Variants in MTUS1 observed in about 807,000 individuals in gnomAD.
MTUS1 encodes microtubule associated scaffold protein 1.
Under a neutral mutation model 120.8 loss-of-function variants are expected in MTUS1, and 109 were observed. That is an observed-to-expected ratio of 0.90 (90% CI 0.77 to 1.06). The LOEUF (loss-of-function observed/expected upper bound fraction) is 1.06, where lower values mean the gene tolerates loss of function less well. MTUS1 is among the 50% of genes least tolerant of loss of function. The pLI is 0.00. For synonymous variants in MTUS1, 737 were observed against 550.5 expected (o/e 1.34, Z -4.74); for missense variants, 2,210 against 1,486.3 (o/e 1.49, Z -8.01).
intron 6 of MTUS1, among the ~76,000 whole-genome samples, chr8:17,703,553 T>A (rs1430480616): frequency 6.9e-6 from 1 of 145,776 alleles, no homozygotes; most frequent in Non-Finnish European, 1.5e-5. Flanking sequence ...GGCGTGAACC[T>A]GGGAGGCAGA....
At chr8:17,769,803 C>T (rs1004646475) in intron 1 of MTUS1, among the ~76,000 whole-genome samples, 13 of 151,354 alleles carry the variant, frequency 8.6e-5, no homozygotes, top group African/African-American at 2.9e-4. Flanking sequence ...AATTAAAATG[C>T]TCAGATCATT....
intron 4 of MTUS1, among the ~76,000 whole-genome samples, chr8:17,720,892 A>C (rs534535960): frequency 6.6e-6 from 1 of 152,284 alleles, no homozygotes; most frequent in Admixed American, 6.5e-5. Context: ...GTAACTTTGA[A>C]ATTTTCTACA....
intron 2 of MTUS1, among the ~76,000 whole-genome samples, chr8:17,749,338 T>C (rs1324271552): frequency 6.6e-6 from 1 of 152,106 alleles, no homozygotes; most frequent in Non-Finnish European, 1.5e-5. Context: ...ATTCCAGGTC[T>C]TTAACTCTTT....
In MTUS1 at chr8:17,684,395, T is replaced by C. The variant is rs368209779; in HGVS notation, c.2771A>G (p.Gln924Arg). The C allele has an allele frequency of 4.3e-6, 7 of 1,614,220 alleles. No homozygotes were observed. The East Asian group carries it at 1.6e-4, about 36-fold the overall frequency. The change falls in exon 7 of 15, where the codon CAG becomes CGG. Residue 924 changes from glutamine to arginine, a missense_variant. Coordinates refer to ENST00000693296, the MANE Select transcript of MTUS1 (RefSeq NM_001363059.2). ...NQSGFILQLK[Q>R]LLACGNTKFE... ...CTTGGTATTACCACAGGCAAGAAGC[T>C]GCTTGAGCTGCAGGATAAATCCACT...
intron 1 of MTUS1, among the ~76,000 whole-genome samples, chr8:17,767,309 T>C (rs2131418861): frequency 6.6e-6 from 1 of 151,778 alleles, no homozygotes; most frequent in South Asian, 2.1e-4. Flanking sequence ...ATGATGATGA[T>C]AAGGAATTTG....
At chr8:17,769,930 G>T (rs574584745) in intron 1 of MTUS1, among the ~76,000 whole-genome samples, 2,838 of 148,280 alleles carry the variant, frequency 0.019, 126 homozygotes, top group African/African-American at 0.068. Flanking sequence ...ACACACACGG[G>T]GGGGGTTGGG....
chr8:17,662,560 G>A (rs934161802), intron 8 of MTUS1, among the ~76,000 whole-genome samples: 2 of 151,752 alleles, frequency 1.3e-5, no homozygotes. Context: ...TTCACTATGT[G>A]GGTAAGACTG....
Position 17,767,090 on chromosome 8 carries a change from G to C in MTUS1, c.-154-11129C>G, listed in dbSNP as rs540612197. Among the ~76,000 whole-genome samples the C allele has an allele frequency of 1.9e-3, 271 of 144,388 alleles. 1 individual carries two copies. Among genetic ancestry groups the C allele is most frequent in the African/African-American group, 6.6e-3 (260 of 39,174 alleles). The allele number at this position is 144,388 out of a possible 152,430, so 94.7% of individuals were successfully genotyped here. A position where few individuals can be genotyped will look rare whatever the true frequency, so the allele number is the denominator to read the frequency against. ...GGGAGAATGAATGGAAATCACTCCAGAATAATGACAAATGGTTTTTAAAAC... is the reference window on the plus strand; with the variant it reads ...GGGAGAATGAATGGAAATCACTCCACAATAATGACAAATGGTTTTTAAAAC... On this transcript the variant is annotated intron_variant, in intron 1 of 14. Transcript: ENST00000693296.
At chr8:17,723,522 C>G (rs1432452482) in intron 4 of MTUS1, 150 bp downstream of exon 4, 1 of 772,522 alleles carries the variant, frequency 1.3e-6, no homozygotes, top group Non-Finnish European at 2.2e-6. Flanking sequence ...AATTTTTTTT[C>G]TGCCAAACTT....
chr8:17,712,587 C>T (rs569324553), intron 6 of MTUS1, among the ~76,000 whole-genome samples: 20 of 152,300 alleles, frequency 1.3e-4, no homozygotes, highest in African/African-American at 4.8e-4. Context: ...GATCCACCCA[C>T]CTTGGCCTCC....
At chr8:17,763,896 T>C (rs1041408855) in intron 1 of MTUS1, among the ~76,000 whole-genome samples, 2 of 152,304 alleles carry the variant, frequency 1.3e-5, no homozygotes, top group Non-Finnish European at 2.9e-5. Flanking sequence ...CATGTTCTTA[T>C]GTGACCACAC....
Position 17,755,658 on chromosome 8 carries a change from G to A in MTUS1, c.150C>T (p.Asn50=). Residue 50 remains asparagine (N), a synonymous_variant, in exon 2 of 15, where the codon AAC becomes AAT. Transcript: ENST00000693296. ...SASSVNWNSA[N]PDDMVVDYET... ...CATAATCAACCACCATGTCATCTGG[G>A]TTGGCAGAATTCCAGTTCACACTGC... 6.2e-7 allele frequency: 1 copy of A among 1,614,188 alleles called. No individual in the cohort carries two copies. Among genetic ancestry groups the A allele is most frequent in the Non-Finnish European group, 8.5e-7 (1 of 1,180,024 alleles).
At chr8:17,781,657 G>A (rs938460846) in intron 1 of MTUS1, among the ~76,000 whole-genome samples, 1 of 151,802 alleles carries the variant, frequency 6.6e-6, no homozygotes. Context: ...CCCTACACAC[G>A]CCAAGAAGAA....
chr8:17,645,219 C>T lies in MTUS1; in HGVS notation c.*707G>A, dbSNP rs1440307533. 2 of 152,428 alleles carry T rather than the reference C, an allele frequency of 1.3e-5. No individual in the cohort carries two copies. The highest frequency in any genetic ancestry group is 4.8e-5 in the African/African-American group (2 of 41,384). 9.4% of individuals were successfully genotyped at this position (152,428 alleles called of 1,614,324 possible). A position where few individuals can be genotyped will look rare whatever the true frequency, so the allele number is the denominator to read the frequency against. On this transcript the variant is annotated 3_prime_UTR_variant, in exon 15 of 15. Coordinates refer to ENST00000693296, the MANE Select transcript of MTUS1 (RefSeq NM_001363059.2). ...ACATGGCTGAACACTGAAAAACTGC[C>T]AAGAAGTTACCCCCAAAAGATACAG... is the stretch of plus-strand genomic sequence containing the variant.
chr8:17,778,792 G>A (rs532118579), intron 1 of MTUS1, among the ~76,000 whole-genome samples: 36 of 152,184 alleles, frequency 2.4e-4, no homozygotes, highest in East Asian at 9.6e-4. Flanking sequence ...CTGGGTGGCC[G>A]AGTAAGACTC....
chr8:17,670,892 C>CA (rs1027489912), intron 8 of MTUS1, among the ~76,000 whole-genome samples: 1 of 151,836 alleles, frequency 6.6e-6, no homozygotes, highest in East Asian at 1.9e-4. Context: ...AAGCCAGAGA[C>CA]AAAAAACAGC....
intron 8 of MTUS1, chr8:17,674,565 G>T (rs1474414946): frequency 6.1e-6 from 6 of 985,818 alleles, no homozygotes; most frequent in Non-Finnish European, 7.2e-6. Context: ...TGGGTGGTGG[G>T]TGTTGAGACC....
At chr8:17,689,804 A>G (rs1441932009) in intron 6 of MTUS1, among the ~76,000 whole-genome samples, 7 of 152,066 alleles carry the variant, frequency 4.6e-5, no homozygotes, top group Non-Finnish European at 1.0e-4. Flanking sequence ...CACCCTATTC[A>G]ATAAATGGTG....
chr8:17,771,153 T>A (rs542456693), intron 1 of MTUS1, among the ~76,000 whole-genome samples: 2 of 152,236 alleles, frequency 1.3e-5, no homozygotes, highest in African/African-American at 4.8e-5. Flanking sequence ...CCTTTAAACT[T>A]AGGAACTTCA....
Sources: gnomAD v4.1 joint callset for allele counts (sites outside exome capture counted in the v4.1 genomes callset) on GRCh38, gnomAD v4.1.1 for gene constraint, MANE v1.5 for transcripts, NCBI Gene and HGNC (gene_info 2026-07-23, HGNC 2026-07-21) for gene names.